The following MS4A4E variants were observed in gnomAD, a reference collection of about 807,000 sequenced individuals.
MS4A4E encodes membrane spanning 4-domains A4E.
A neutral mutation model predicts 13.3 loss-of-function variants in MS4A4E; 23 were observed. The ratio of observed to expected loss-of-function variants is 1.73; its 90% CI spans 1.25 to 2.45. The LOEUF (loss-of-function observed/expected upper bound fraction) is 2.45, where lower values mean the gene tolerates loss of function less well. Ranked by LOEUF, MS4A4E falls within the 30% of genes most tolerant of loss-of-function variation. MS4A4E has a pLI of 0.00. For missense variants in MS4A4E, 144 were observed against 131.2 expected (o/e 1.10, Z -0.48); for synonymous variants, 36 against 45.6 (o/e 0.79, Z 0.85).
At chr11:60,216,285 C>G (rs2084191374) in intron 3 of MS4A4E, among the ~76,000 whole-genome samples, 1 of 152,106 alleles carries the variant, frequency 6.6e-6, no homozygotes, top group Non-Finnish European at 1.5e-5. Context: ...GTGTGGAAGG[C>G]TAAAACCATG....
Position 60,201,194 on chromosome 11 carries a change from C to G in MS4A4E, c.*349G>C, listed in dbSNP as rs1397953242. The G allele has an allele frequency of 6.2e-5, 9 of 146,222 alleles. No homozygotes were observed. The highest frequency in any genetic ancestry group is 2.4e-4 in the African/African-American group (9 of 37,836). The allele number at this position is 146,222 out of a possible 1,614,324, so 9.1% of individuals were successfully genotyped here. On this transcript the variant is annotated 3_prime_UTR_variant, in exon 9 of 9. Transcript: ENST00000651255. Reference sequence around the variant, plus strand: ...TCACTTCCCAGTAGGGGCGGCTGGGCAGAGGCGCCCCTCACCTCCCGGACG... The same window carrying G: ...TCACTTCCCAGTAGGGGCGGCTGGGGAGAGGCGCCCCTCACCTCCCGGACG...
intron 8 of MS4A4E, among the ~76,000 whole-genome samples, chr11:60,203,313 A>G (rs2084006917): frequency 6.6e-6 from 1 of 152,182 alleles, no homozygotes; most frequent in African/African-American, 2.4e-5. Flanking sequence ...TGTGATTACA[A>G]GTTTTAATAA....
Position 60,200,491 on chromosome 11 carries a change from T to G in MS4A4E, c.*1052A>C, listed in dbSNP as rs150577451. Among the ~76,000 whole-genome samples, 1 of 152,066 alleles carries G rather than the reference T, an allele frequency of 6.6e-6. No homozygotes were observed. Among genetic ancestry groups the G allele is most frequent in the African/African-American group, 2.4e-5 (1 of 41,376 alleles). On this transcript the variant is annotated 3_prime_UTR_variant, in exon 9 of 9. Coordinates refer to ENST00000651255, the MANE Select transcript of MS4A4E (RefSeq NM_001393391.1). Reference sequence around the variant, plus strand: ...CTTGAGATTAGGGAGTGGTGATGACTCTTAACGAGCATGCTGCCTTCAAGC... The same window carrying G: ...CTTGAGATTAGGGAGTGGTGATGACGCTTAACGAGCATGCTGCCTTCAAGC...
chr11:60,221,098 C>T (rs1187211401), intron 3 of MS4A4E, among the ~76,000 whole-genome samples: 1 of 152,168 alleles, frequency 6.6e-6, no homozygotes, highest in Non-Finnish European at 1.5e-5. Context: ...TGGAGGAAGG[C>T]CCTGCCATCT....
intron 3 of MS4A4E, among the ~76,000 whole-genome samples, chr11:60,224,690 A>G (rs7119896): frequency 0.014 from 2,057 of 152,354 alleles, 50 homozygotes; most frequent in African/African-American, 0.046. Flanking sequence ...TGAAACAATC[A>G]GTGCTTTCAT....
intron 8 of MS4A4E, among the ~76,000 whole-genome samples, chr11:60,203,080 C>A (rs770721000): frequency 6.6e-6 from 1 of 152,150 alleles, no homozygotes; most frequent in Non-Finnish European, 1.5e-5. Flanking sequence ...ATTTAAAAAT[C>A]AGAATTCTGT....
intron 3 of MS4A4E, among the ~76,000 whole-genome samples, chr11:60,223,315 C>T (rs1305473381): frequency 6.6e-6 from 1 of 152,046 alleles, no homozygotes; most frequent in Non-Finnish European, 1.5e-5. Context: ...TTCATATTAG[C>T]ATTTAAGTGT....
At chr11:60,213,459 C>A (rs1449615025) in intron 4 of MS4A4E, 4 of 645,188 alleles carry the variant, frequency 6.2e-6, no homozygotes, top group Non-Finnish European at 1.1e-5. Context: ...GATCTCTTAT[C>A]ATTGTTCTAA....
chr11:60,200,723 T>C lies in MS4A4E; in HGVS notation c.*820A>G, dbSNP rs1263816625. On this transcript the variant is annotated 3_prime_UTR_variant, in exon 9 of 9. Coordinates refer to ENST00000651255, the MANE Select transcript of MS4A4E (RefSeq NM_001393391.1). ...ACAGACAAGGCAACCATCCGATTTC[T>C]CAATCTTTTCCCCACCTTTCCCCCC... Among the ~76,000 whole-genome samples, 6 of 152,336 alleles carry C rather than the reference T, an allele frequency of 3.9e-5. No individual in the cohort carries two copies. In the East Asian group the frequency reaches 7.7e-4, roughly 20 times the overall value.
intron 1 of MS4A4E, among the ~76,000 whole-genome samples, chr11:60,239,332 G>C (rs1271039282): frequency 6.6e-6 from 1 of 152,098 alleles, no homozygotes; most frequent in East Asian, 1.9e-4. Context: ...ACTACCTATT[G>C]ACTATTATTA....
At chr11:60,206,590 G>T (rs540196509) in intron 6 of MS4A4E, 97 of 159,940 alleles carry the variant, frequency 6.1e-4, no homozygotes, top group African/African-American at 2.2e-3. Context: ...ATTGGAGTTG[G>T]ATTCTGGTAC....
intron 1 of MS4A4E, among the ~76,000 whole-genome samples, chr11:60,237,668 C>G (rs1227594898): frequency 6.6e-6 from 1 of 152,044 alleles, no homozygotes; most frequent in Non-Finnish European, 1.5e-5. Context: ...GGGGGCATTT[C>G]ATTATGGTTT....
chr11:60,238,867 A>T (rs1382278337), intron 1 of MS4A4E, among the ~76,000 whole-genome samples: 1 of 152,230 alleles, frequency 6.6e-6, no homozygotes, highest in Non-Finnish European at 1.5e-5. Context: ...TTCCTAAAAC[A>T]TAAGGAGGAT....
chr11:60,232,467 C>T (rs1400864131), intron 1 of MS4A4E, among the ~76,000 whole-genome samples: 1 of 152,194 alleles, frequency 6.6e-6, no homozygotes, highest in African/African-American at 2.4e-5. Flanking sequence ...TCTTCCATCA[C>T]CCCTTCCCCC....
intron 3 of MS4A4E, among the ~76,000 whole-genome samples, chr11:60,223,965 A>G (rs1240843998): frequency 2.6e-5 from 4 of 152,138 alleles, no homozygotes; most frequent in African/African-American, 9.7e-5. Context: ...TCTCCTTCAA[A>G]TCTTTCACTT....
At chr11:60,235,490 G>C (rs981052761) in intron 1 of MS4A4E, among the ~76,000 whole-genome samples, 3 of 152,174 alleles carry the variant, frequency 2.0e-5, no homozygotes, top group African/African-American at 7.2e-5. Flanking sequence ...TAGGGTTCCT[G>C]TTCCCTTTAG....
intron 3 of MS4A4E, among the ~76,000 whole-genome samples, chr11:60,222,109 T>C (rs1005633799): frequency 1.8e-4 from 28 of 152,236 alleles, no homozygotes; most frequent in African/African-American, 6.8e-4. Flanking sequence ...TTCCTCGGAA[T>C]GATCAGCCAG....
At chr11:60,224,100 A>G (rs2084312152) in intron 3 of MS4A4E, among the ~76,000 whole-genome samples, 1 of 152,246 alleles carries the variant, frequency 6.6e-6, no homozygotes, top group South Asian at 2.1e-4. Context: ...TGATTCTAAC[A>G]TAAACCCGCC....
At chr11:60,218,521 C>G (rs768689459) in intron 3 of MS4A4E, among the ~76,000 whole-genome samples, 17 of 152,140 alleles carry the variant, frequency 1.1e-4, no homozygotes, top group Non-Finnish European at 1.3e-4. Flanking sequence ...TAAAATTTCT[C>G]TCTTTTGTGT....
Sources: allele counts gnomAD v4.1 joint callset (sites outside exome capture counted in the v4.1 genomes callset), GRCh38; gene constraint gnomAD v4.1.1; transcripts MANE v1.5; gene names NCBI Gene and HGNC (gene_info 2026-07-23, HGNC 2026-07-21).